SFMBT1: variants seen among roughly 807,000 people sequenced by gnomAD.
The protein encoded by SFMBT1 is scm-like with four MBT domains protein 1.
SFMBT1 carries 32 observed loss-of-function variants against 108.7 expected under a neutral mutation model. The observed-to-expected ratio is 0.29, with a 90% CI of 0.22 to 0.40. The LOEUF (loss-of-function observed/expected upper bound fraction) is 0.40, where lower values mean the gene tolerates loss of function less well. Among genes scored for constraint, SFMBT1 ranks in the 10% least tolerant of loss-of-function variants. The probability of loss-of-function intolerance (pLI) is 1.00; values close to 1 mark genes in which losing one functional copy is unlikely to be tolerated. For synonymous variants in SFMBT1, 348 were observed against 369.5 expected, an observed-to-expected ratio of 0.94 and a Z score of 0.67; for missense variants, 816 against 1,059.6, an observed-to-expected ratio of 0.77 and a Z score of 3.19.
At chr3:53,032,986 T>C (rs954579710) in intron 1 of SFMBT1, among the ~76,000 whole-genome samples, 2 of 151,926 alleles carry the variant, frequency 1.3e-5, no homozygotes, top group Admixed American at 6.6e-5. Flanking sequence ...ACAAGAAAAT[T>C]TGGGGCCTAC....
chr3:52,907,438 C>G, intron 18 of SFMBT1, 117 bp downstream of exon 18: 1 of 1,516,830 alleles, frequency 6.6e-7, no homozygotes, highest in Non-Finnish European at 8.8e-7. Context: ...GGCCACAAAA[C>G]CATCTTCTAT....
chr3:52,911,786 C>T lies in SFMBT1; in HGVS notation c.1731-608G>A, dbSNP rs539767428. Among the ~76,000 whole-genome samples the T allele has an allele frequency of 8.5e-5, 13 of 152,230 alleles. No individual in the cohort carries two copies. The South Asian group carries it at 2.5e-3, about 29-fold the overall frequency. ...CATGATCTCAGCTCACTGCAACCTC[C>T]GCCTCCCAGGTCAAGAGATTCTCCT... On this transcript the variant is annotated intron_variant, in intron 16 of 20. Coordinates refer to ENST00000394752, the MANE Select transcript of SFMBT1 (RefSeq NM_016329.4).
chr3:53,002,416 A>G (rs1275687206), intron 1 of SFMBT1, among the ~76,000 whole-genome samples: 1 of 148,440 alleles, frequency 6.7e-6, no homozygotes, highest in South Asian at 2.1e-4. Flanking sequence ...AAAAAAAAAA[A>G]AAAAGAAATC....
At chr3:52,934,778 T>C in intron 5 of SFMBT1, 35 bp downstream of exon 5, 7 of 1,547,476 alleles carry the variant, frequency 4.5e-6, no homozygotes, top group Non-Finnish European at 6.2e-6. Context: ...ATCAGATGGG[T>C]TTTCCATGCT....
intron 13 of SFMBT1, among the ~76,000 whole-genome samples, chr3:52,917,506 G>C (rs1169468738): frequency 2.6e-5 from 4 of 152,114 alleles, no homozygotes; most frequent in Non-Finnish European, 5.9e-5. Flanking sequence ...CCAGCACCTT[G>C]ATCTTGGATT....
At chr3:53,006,338 TAA>T (rs1159292635) in intron 1 of SFMBT1, among the ~76,000 whole-genome samples, 3 of 151,978 alleles carry the variant, frequency 2.0e-5, no homozygotes, top group Non-Finnish European at 4.4e-5. Context: ...TTAGCAATCA[TAA>T]AGAGTCCAGG....
intron 2 of SFMBT1, among the ~76,000 whole-genome samples, chr3:52,964,586 A>C (rs1704070213): frequency 6.6e-6 from 1 of 152,168 alleles, no homozygotes; most frequent in Non-Finnish European, 1.5e-5. Context: ...ATAAATGACA[A>C]CCTAGTATCA....
At chr3:52,972,841 A>ACAC in intron 1 of SFMBT1, among the ~76,000 whole-genome samples, 1 of 118,850 alleles carries the variant, frequency 8.4e-6, no homozygotes, top group Non-Finnish European at 1.7e-5. Flanking sequence ...ATCTCTACTA[A>ACAC]ACACACACAC....
chr3:52,947,159 A>T (rs1703398491), intron 3 of SFMBT1, among the ~76,000 whole-genome samples: 1 of 144,774 alleles, frequency 6.9e-6, no homozygotes, highest in African/African-American at 2.6e-5. Context: ...ACTCTGTCGC[A>T]CAGGCTGGAG....
intron 9 of SFMBT1, among the ~76,000 whole-genome samples, chr3:52,926,418 G>GA (rs1391312787): frequency 6.6e-6 from 1 of 152,148 alleles, no homozygotes; most frequent in African/African-American, 2.4e-5. Flanking sequence ...TTTACCAAAA[G>GA]AATTTAAGAC....
rs1702031263 is a variant in SFMBT1, at chr3:52,905,067, C to T, written c.*69G>A. ...GAGCCCCAGGACTATTCCAGCTCCACTTATAAAGCAGGGTGAAGGATTTGC... is the reference window on the plus strand; with the variant it reads ...GAGCCCCAGGACTATTCCAGCTCCATTTATAAAGCAGGGTGAAGGATTTGC... On this transcript the variant is annotated 3_prime_UTR_variant, in exon 21 of 21. Transcript: ENST00000394752. 3 of 1,581,478 alleles carry T rather than the reference C, an allele frequency of 1.9e-6. No individual in the cohort carries two copies. The African/African-American group carries it at 4.0e-5, about 21-fold the overall frequency.
chr3:52,930,876 C>G, intron 7 of SFMBT1, 65 bp downstream of exon 7: 1 of 1,370,122 alleles, frequency 7.3e-7, no homozygotes, highest in African/African-American at 1.4e-5. Context: ...ACACTTTCAC[C>G]TCCTGCGTTG....
At chr3:52,998,392 A>G (rs979376169) in intron 1 of SFMBT1, among the ~76,000 whole-genome samples, 1 of 149,914 alleles carries the variant, frequency 6.7e-6, no homozygotes, top group African/African-American at 2.4e-5. Flanking sequence ...ACTCCGTCTC[A>G]AAAAAAAGAA....
chr3:53,004,978 T>C lies in SFMBT1; in HGVS notation c.-130-35720A>G, dbSNP rs116655165. 2.0e-3 allele frequency among the ~76,000 whole-genome samples: 306 copies of C among 152,338 alleles called. 1 individual carries two copies. The highest frequency in any genetic ancestry group is 2.7e-3 in the Non-Finnish European group (187 of 68,030). ...CTTTTCACAAAATGCACAATTAGTA[T>C]AAAGTTTAATAATTTTTTTTCTTCC... is the stretch of plus-strand genomic sequence containing the variant. On this transcript the variant is annotated intron_variant, in intron 1 of 20. Transcript: ENST00000394752.
chr3:53,014,400 G>T (rs1445608092), intron 1 of SFMBT1, among the ~76,000 whole-genome samples: 1 of 151,992 alleles, frequency 6.6e-6, no homozygotes, highest in Non-Finnish European at 1.5e-5. Flanking sequence ...AGCCCAGGAG[G>T]TCAAGTTTAC....
At chr3:52,919,377 C>T (rs543637622) in intron 12 of SFMBT1, among the ~76,000 whole-genome samples, 1 of 152,274 alleles carries the variant, frequency 6.6e-6, no homozygotes, top group South Asian at 2.1e-4. Context: ...CACACTACAA[C>T]ATGGATGAAC....
chr3:52,992,821 G>C (rs1246794319), intron 1 of SFMBT1, among the ~76,000 whole-genome samples: 1 of 152,222 alleles, frequency 6.6e-6, no homozygotes, highest in African/African-American at 2.4e-5. Flanking sequence ...CCCTCTAGAA[G>C]AGCATTTCAC....
intron 13 of SFMBT1, among the ~76,000 whole-genome samples, chr3:52,916,785 A>G (rs1222170270): frequency 2.0e-5 from 3 of 152,222 alleles, no homozygotes; most frequent in African/African-American, 4.8e-5. Flanking sequence ...CAGTCTGTAT[A>G]TAGCATTGTG....
At chr3:53,037,066 G>A (rs1293702444) in intron 1 of SFMBT1, among the ~76,000 whole-genome samples, 6 of 152,184 alleles carry the variant, frequency 3.9e-5, no homozygotes, top group East Asian at 1.9e-4. Context: ...ACACTATTCC[G>A]GAAAGCACTC....
Sources: gnomAD v4.1 joint callset for allele counts (sites outside exome capture counted in the v4.1 genomes callset) on GRCh38, gnomAD v4.1.1 for gene constraint, MANE v1.5 for transcripts, NCBI Gene and HGNC (gene_info 2026-07-23, HGNC 2026-07-21) for gene names.